Variants in C2CD3 observed in about 807,000 individuals in gnomAD.
C2CD3 encodes the protein C2 domain-containing protein 3.
Under a neutral mutation model 234.0 loss-of-function variants are expected in C2CD3, and 148 were observed. The ratio of observed to expected loss-of-function variants is 0.63; its 90% CI spans 0.55 to 0.72. C2CD3 has a LOEUF of 0.72. Among genes scored for constraint, C2CD3 ranks in the 30% least tolerant of loss-of-function variants. C2CD3 has a pLI of 0.00. For synonymous variants in C2CD3, 1,000 were observed against 1,035.4 expected (o/e 0.97, Z 0.66); for missense variants, 2,577 against 2,811.5 (o/e 0.92, Z 1.89).
At chr11:74,053,150 T>C (rs990889336) in intron 26 of C2CD3, among the ~76,000 whole-genome samples, 1 of 152,230 alleles carries the variant, frequency 6.6e-6, no homozygotes, top group African/African-American at 2.4e-5. Context: ...CACCAATTAA[T>C]AGATATATGA....
chr11:74,102,823 G>C (rs1956362874), intron 14 of C2CD3, among the ~76,000 whole-genome samples: 1 of 152,196 alleles, frequency 6.6e-6, no homozygotes, highest in Non-Finnish European at 1.5e-5. Context: ...ATTGGAGAAA[G>C]ATGGGGAGGT....
chr11:74,147,578 T>C (rs777582040), intron 3 of C2CD3, among the ~76,000 whole-genome samples: 3 of 152,236 alleles, frequency 2.0e-5, no homozygotes, highest in Non-Finnish European at 2.9e-5. Flanking sequence ...CTGGTTTATG[T>C]TGTCCAAGGA....
At chr11:74,050,087 T>C (rs1953604355) in intron 26 of C2CD3, among the ~76,000 whole-genome samples, 1 of 152,220 alleles carries the variant, frequency 6.6e-6, no homozygotes, top group South Asian at 2.1e-4. Context: ...GCTGGTCCTC[T>C]TGATATAGGC....
rs955360227 is a variant in C2CD3 at position 74,028,506 on chromosome 11, C to A, written c.6810-108G>T. ...TCTGCCCCCACTCATGTTTTTCCCT[C>A]AACTATTCTTGTCCATAAATTCTTT... is the stretch of plus-strand genomic sequence containing the variant. On this transcript the variant is annotated intron_variant, in intron 31 of 32. Transcript: ENST00000334126. 5 of 694,624 alleles carry A rather than the reference C, an allele frequency of 7.2e-6. No individual in the cohort carries two copies. The Admixed American group carries it at 8.7e-5, about 12-fold the overall frequency. 43.0% of individuals were successfully genotyped at this position (694,624 alleles called of 1,614,324 possible). A position where few individuals can be genotyped will look rare whatever the true frequency, so the allele number is the denominator to read the frequency against.
intron 25 of C2CD3, among the ~76,000 whole-genome samples, chr11:74,056,682 G>T (rs1165548197): frequency 6.6e-6 from 1 of 152,186 alleles, no homozygotes; most frequent in African/African-American, 2.4e-5. Flanking sequence ...TACACCAGAA[G>T]TCTTTTCCAA....
chr11:74,108,888 GATAATA>G (rs574277591), intron 12 of C2CD3, 140 bp downstream of exon 12: 40 of 352,838 alleles, frequency 1.1e-4, no homozygotes, highest in African/African-American at 2.0e-4. Flanking sequence ...TAATAATAAT[GATAATA>G]ATAATAATAA....
Position 74,034,155 on chromosome 11 carries a change from G to A in C2CD3, c.6005C>T (p.Thr2002Ile), listed in dbSNP as rs1410559385. 1.3e-6 allele frequency: 2 copies of A among 1,536,232 alleles called. No individual in the cohort carries two copies. The highest frequency in any genetic ancestry group is 1.2e-5 in the South Asian group (1 of 84,056). The change falls in exon 31 of 33, where the codon ACA (threonine) becomes ATA (isoleucine). Residue 2002 changes from threonine (T) to isoleucine (I), a missense_variant. Thr to Ile is a moderately conservative substitution (Grantham distance 89). Transcript: ENST00000334126. ...TCTTACCAATGGCTCATCTGGCATT[G>A]TGCATCGTTCTTGCAGTGCTTCTGT... ...QDTEALQERC[T>I]MPDEPLVRAP...
chr11:74,052,039 A>G (rs939429477), intron 26 of C2CD3, among the ~76,000 whole-genome samples: 1 of 152,186 alleles, frequency 6.6e-6, no homozygotes, highest in African/African-American at 2.4e-5. Flanking sequence ...CTTGAGCAGT[A>G]GGATATAAAT....
intron 32 of C2CD3, among the ~76,000 whole-genome samples, chr11:74,018,177 G>A (rs572883455): frequency 0.027 from 4,057 of 152,228 alleles, 183 homozygotes; most frequent in African/African-American, 0.093. Context: ...ATATGGCCGA[G>A]GTTCTGACCA....
chr11:74,086,257 G>C (rs1360582473), intron 20 of C2CD3, among the ~76,000 whole-genome samples: 1 of 152,236 alleles, frequency 6.6e-6, no homozygotes, highest in African/African-American at 2.4e-5. Flanking sequence ...TCAGTGAGAA[G>C]TATCAGAAAG....
At chr11:74,015,339 T>G (rs561515189) in intron 32 of C2CD3, among the ~76,000 whole-genome samples, 1 of 152,246 alleles carries the variant, frequency 6.6e-6, no homozygotes, top group Non-Finnish European at 1.5e-5. Flanking sequence ...AACCAGTGGT[T>G]GTTGTCCTAC....
In C2CD3 at chr11:74,139,766, A is replaced by G. The variant is rs1565338286; in HGVS notation, c.546T>C (p.Thr182=). ...ATAAAAGCACATTTTCTGTCATGTC[A>G]GTGGTAGGAAGTGGATGGTAGCTGT... ...TYDSYHPLPT[T]DMTENVLLSK... Residue 182 remains threonine (T), a synonymous_variant, in exon 4 of 33, where the codon ACT becomes ACC. Coordinates refer to ENST00000334126, the MANE Select transcript of C2CD3 (RefSeq NM_001286577.2). The G allele has an allele frequency of 2.5e-6, 4 of 1,613,758 alleles. No individual in the cohort carries two copies. Among genetic ancestry groups the G allele is most frequent in the Non-Finnish European group, 3.4e-6 (4 of 1,179,692 alleles).
In C2CD3 at chr11:74,057,557, A is replaced by G; in HGVS notation, c.4952-13T>C. ...GTCAAGGGGCTCCCTGAAATAGAATAAAGTGCAGTGACTGTACTTTAGGGT... is the reference window on the plus strand; with the variant it reads ...GTCAAGGGGCTCCCTGAAATAGAATGAAGTGCAGTGACTGTACTTTAGGGT... On this transcript the variant is annotated splice_polypyrimidine_tract_variant and intron_variant, in intron 24 of 32. Transcript: ENST00000334126. 2.5e-6 allele frequency: 4 copies of G among 1,614,064 alleles called. No homozygotes were observed. Among genetic ancestry groups the G allele is most frequent in the Non-Finnish European group, 3.4e-6 (4 of 1,179,948 alleles).
At chr11:74,170,269 A>C (rs1036954313) in intron 1 of C2CD3, among the ~76,000 whole-genome samples, 1 of 152,014 alleles carries the variant, frequency 6.6e-6, no homozygotes, top group Admixed American at 6.5e-5. Flanking sequence ...TCAGCCCTTC[A>C]TACTTCATTC....
At chr11:74,119,066 C>A (rs568385321) in intron 8 of C2CD3, among the ~76,000 whole-genome samples, 12 of 152,024 alleles carry the variant, frequency 7.9e-5, no homozygotes, top group African/African-American at 2.9e-4. Flanking sequence ...TGAGCCACCA[C>A]ACCTGACTAA....
intron 10 of C2CD3, 67 bp downstream of exon 10, chr11:74,114,317 T>C: frequency 1.9e-6 from 2 of 1,047,970 alleles, no homozygotes; most frequent in South Asian, 1.3e-5. Context: ...TATGCAATTG[T>C]TGATTATTAC....
intron 6 of C2CD3, 23 bp downstream of exon 6, chr11:74,133,402 G>A (rs371520015): frequency 6.2e-7 from 1 of 1,606,850 alleles, no homozygotes; most frequent in African/African-American, 1.3e-5. Context: ...AACTGTTAAG[G>A]TTCTGTCTAT....
chr11:74,131,693 C>A (rs1957687040), intron 7 of C2CD3, among the ~76,000 whole-genome samples: 1 of 151,756 alleles, frequency 6.6e-6, no homozygotes, highest in Non-Finnish European at 1.5e-5. Flanking sequence ...TCAAGCAATT[C>A]TCCTGCCTCA....
At chr11:74,065,153 C>T (rs1478626118) in intron 24 of C2CD3, among the ~76,000 whole-genome samples, 1 of 152,164 alleles carries the variant, frequency 6.6e-6, no homozygotes, top group Admixed American at 6.5e-5. Flanking sequence ...AAAATTTTTA[C>T]AATCTACCCA....
Sources: allele counts gnomAD v4.1 joint callset (sites outside exome capture counted in the v4.1 genomes callset), GRCh38; gene constraint gnomAD v4.1.1; transcripts MANE v1.5; gene names NCBI Gene and HGNC (gene_info 2026-07-23, HGNC 2026-07-21).